Variants in FGD3 observed in about 807,000 individuals in gnomAD.
The protein encoded by FGD3 is FYVE, RhoGEF and PH domain containing 3, also known as FYVE, RhoGEF and PH domain-containing protein 3.
In FGD3, 45 loss-of-function variants were observed where a neutral mutation model predicts 71.8. That is an observed-to-expected ratio of 0.63 (90% CI 0.49 to 0.80). The LOEUF (loss-of-function observed/expected upper bound fraction) is 0.80, where lower values mean the gene tolerates loss of function less well. FGD3 is among the 30% of genes least tolerant of loss of function. FGD3 has a pLI of 0.00. For missense variants in FGD3, 844 were observed against 951.5 expected (o/e 0.89, Z 1.49); for synonymous variants, 378 against 392.8 (o/e 0.96, Z 0.44).
intron 1 of FGD3, among the ~76,000 whole-genome samples, chr9:92,970,306 G>A (rs1443161377): frequency 6.6e-6 from 1 of 152,220 alleles, no homozygotes; most frequent in Non-Finnish European, 1.5e-5. Flanking sequence ...ATGTGTGTAT[G>A]CATTGTCAAC....
chr9:92,975,020 G>C (rs1859671421), intron 1 of FGD3, among the ~76,000 whole-genome samples: 1 of 152,222 alleles, frequency 6.6e-6, no homozygotes, highest in African/African-American at 2.4e-5. Flanking sequence ...ACAGTGCATG[G>C]CTGCTGGTGC....
chr9:93,007,395 T>A (rs1412497983), intron 6 of FGD3, among the ~76,000 whole-genome samples: 4 of 152,164 alleles, frequency 2.6e-5, no homozygotes, highest in African/African-American at 9.7e-5. Context: ...TGGCCCAGAA[T>A]TTTTTATTTT....
At chr9:93,029,063 A>C (rs1862255693) in intron 14 of FGD3, among the ~76,000 whole-genome samples, 1 of 116,190 alleles carries the variant, frequency 8.6e-6, no homozygotes, top group African/African-American at 3.3e-5. Flanking sequence ...TCTATAGCCC[A>C]GGCTGGGGTG....
chr9:93,034,252 G>A, intron 16 of FGD3: 1 of 356,290 alleles, frequency 2.8e-6, no homozygotes, highest in Admixed American at 4.7e-5. Context: ...GGTACTTGCT[G>A]TTGGGTTTTC....
chr9:93,031,001 G>GAAGT (rs1862336400), intron 15 of FGD3, among the ~76,000 whole-genome samples: 1 of 152,074 alleles, frequency 6.6e-6, no homozygotes, highest in Non-Finnish European at 1.5e-5. Context: ...ATGGCATACG[G>GAAGT]AAGTATGGGT....
chr9:92,956,369 C>A (rs1412201508), intron 1 of FGD3, among the ~76,000 whole-genome samples: 1 of 152,196 alleles, frequency 6.6e-6, no homozygotes, highest in South Asian at 2.1e-4. Context: ...CTGCAAAATA[C>A]ATGTTGAAGC....
At chr9:92,991,040 G>A (rs1408543769) in intron 3 of FGD3, among the ~76,000 whole-genome samples, 1 of 151,970 alleles carries the variant, frequency 6.6e-6, no homozygotes, top group Non-Finnish European at 1.5e-5. Flanking sequence ...GAACCCACTG[G>A]GTCCTGGACT....
At chr9:93,021,273 C>G (rs994844189) in intron 13 of FGD3, among the ~76,000 whole-genome samples, 2 of 152,192 alleles carry the variant, frequency 1.3e-5, no homozygotes, top group African/African-American at 2.4e-5. Context: ...GTGGAGCTGC[C>G]CCAAGGGCCC....
intron 3 of FGD3, among the ~76,000 whole-genome samples, chr9:92,987,718 G>A (rs937366327): frequency 1.3e-5 from 2 of 152,182 alleles, no homozygotes; most frequent in Non-Finnish European, 2.9e-5. Context: ...TGCATGCCCA[G>A]TGGCCCACCA....
Position 92,976,709 on chromosome 9 carries a change from G to A in FGD3, c.453G>A (p.Gln151=). The A allele has an allele frequency of 6.4e-7, 1 of 1,569,342 alleles. No individual in the cohort carries two copies. Residue 151 remains glutamine, a splice_region_variant and synonymous_variant, in exon 3 of 18, where the codon CAG becomes CAA. Transcript: ENST00000375482. ...CTGACAAGGATGCCGGCCTGGCCCA[G>A]GTAGGCTTCCCCTTCTCTGTCCCCG... ...QKADKDAGLA[Q]HSGPQKLLHI...
intron 3 of FGD3, among the ~76,000 whole-genome samples, chr9:92,987,582 G>T (rs536326914): frequency 1.5e-4 from 23 of 152,246 alleles, no homozygotes; most frequent in African/African-American, 5.5e-4. Context: ...AGACTCCAAG[G>T]TCCCTCCTCT....
chr9:92,988,335 G>A (rs1359744956), intron 3 of FGD3, among the ~76,000 whole-genome samples: 1 of 152,152 alleles, frequency 6.6e-6, no homozygotes, highest in East Asian at 1.9e-4. Flanking sequence ...AGTCCATTGT[G>A]GGCATGCCCA....
chr9:93,017,622 C>A (rs1861752019), intron 10 of FGD3, among the ~76,000 whole-genome samples: 1 of 152,128 alleles, frequency 6.6e-6, no homozygotes, highest in Admixed American at 6.5e-5. Flanking sequence ...ACCCCATTTT[C>A]ATTAGTTCTG....
intron 3 of FGD3, among the ~76,000 whole-genome samples, chr9:92,998,988 T>G (rs1195068569): frequency 6.6e-6 from 1 of 152,208 alleles, no homozygotes; most frequent in Non-Finnish European, 1.5e-5. Flanking sequence ...GAAGCACTAC[T>G]CTCTTCAAAG....
chr9:92,949,855 C>G (rs1273738509), intron 1 of FGD3, among the ~76,000 whole-genome samples: 1 of 152,208 alleles, frequency 6.6e-6, no homozygotes, highest in East Asian at 1.9e-4. Flanking sequence ...CTCTCCCTGT[C>G]CTGCTGGCCA....
chr9:93,011,646 AGGAGTT>A (rs1296152212), intron 8 of FGD3, among the ~76,000 whole-genome samples: 2 of 151,970 alleles, frequency 1.3e-5, no homozygotes, highest in African/African-American at 4.8e-5. Context: ...TCATGAGGTC[AGGAGTT>A]GGAGACCAGC....
chr9:92,990,931 G>A, intron 3 of FGD3, among the ~76,000 whole-genome samples: 1 of 152,134 alleles, frequency 6.6e-6, no homozygotes, highest in Admixed American at 6.5e-5. Flanking sequence ...TGATGACCTT[G>A]TAAAATGAGT....
chr9:92,976,742 C>A (rs1436545831), intron 3 of FGD3, 33 bp downstream of exon 3: 2 of 1,521,292 alleles, frequency 1.3e-6, no homozygotes, highest in African/African-American at 1.4e-5. Flanking sequence ...CCGCTGCGGG[C>A]TGCAGGCCTT....
intron 3 of FGD3, among the ~76,000 whole-genome samples, chr9:92,987,103 A>G (rs527846046): frequency 6.6e-6 from 1 of 152,364 alleles, no homozygotes; most frequent in East Asian, 1.9e-4. Context: ...GAGAATAGGC[A>G]GTATGGGTTT....
Sources: allele counts gnomAD v4.1 joint callset (sites outside exome capture counted in the v4.1 genomes callset), GRCh38; gene constraint gnomAD v4.1.1; transcripts MANE v1.5; gene names NCBI Gene and HGNC (gene_info 2026-07-23, HGNC 2026-07-21).